SYN3: variants seen among roughly 807,000 people sequenced by gnomAD.
SYN3 encodes the protein synapsin-3.
SYN3 carries 35 observed loss-of-function variants against 65.8 expected under a neutral mutation model. The observed-to-expected ratio is 0.53, with a 90% CI of 0.41 to 0.70. SYN3 has a LOEUF of 0.70. SYN3 is among the 30% of genes least tolerant of loss of function. SYN3 has a pLI of 0.00. For synonymous variants in SYN3, 270 were observed against 292.9 expected (o/e 0.92, Z 0.80); for missense variants, 680 against 749.0 (o/e 0.91, Z 1.08).
chr22:32,734,895 C>A (rs987360550), intron 6 of SYN3, among the ~76,000 whole-genome samples: 1 of 152,202 alleles, frequency 6.6e-6, no homozygotes, highest in African/African-American at 2.4e-5. Context: ...TGGATACAGT[C>A]TTCGGCATCC....
intron 6 of SYN3, chr22:32,860,953 T>G (rs1278917069): frequency 6.6e-6 from 1 of 151,118 alleles, no homozygotes; most frequent in Non-Finnish European, 1.5e-5. Flanking sequence ...TAATATAAAT[T>G]CTCCTATTAA....
chr22:33,005,064 T>C lies in SYN3; in HGVS notation c.311+1288A>G, dbSNP rs732413. 2.7e-3 allele frequency among the ~76,000 whole-genome samples: 410 copies of C among 152,310 alleles called. 11 individuals are homozygous for C. Among genetic ancestry groups the C allele is most frequent in the Admixed American group, 0.019 (298 of 15,294 alleles). On this transcript the variant is annotated intron_variant, in intron 2 of 13. Coordinates refer to ENST00000358763, the MANE Select transcript of SYN3 (RefSeq NM_003490.4). ...CCTGGCACTCATTCATTCTCTCTCCTGCCACCCTATGAAGAGGTGCCTTCC... is the reference window on the plus strand; with the variant it reads ...CCTGGCACTCATTCATTCTCTCTCCCGCCACCCTATGAAGAGGTGCCTTCC...
At chr22:32,537,013 G>T (rs78581502) in intron 9 of SYN3, among the ~76,000 whole-genome samples, 13 of 152,258 alleles carry the variant, frequency 8.5e-5, no homozygotes, top group Non-Finnish European at 1.8e-4. Flanking sequence ...TACTCAATAG[G>T]TGTTTACTGA....
chr22:33,028,700 G>GTGGTGGTGGTGGTGGTGA lies in SYN3; in HGVS notation c.-162-21877_-162-21876insTCACCACCACCACCACCA, dbSNP rs2053690808. On this transcript the variant is annotated intron_variant, in intron 1 of 13. Coordinates refer to ENST00000358763, the MANE Select transcript of SYN3 (RefSeq NM_003490.4). ...GGTGGTGGTGGTGGTGATGGTGGTG[G>GTGGTGGTGGTGGTGGTGA]TGGTGGTGGTGGTGGGGTTGCTACC... 2.9e-5 allele frequency among the ~76,000 whole-genome samples: 4 copies of GTGGTGGTGGTGGTGGTGA among 135,856 alleles called. No homozygotes were observed. The East Asian group carries it at 6.2e-4, about 21-fold the overall frequency. The allele number at this position is 135,856 out of a possible 152,430, so 89.1% of individuals were successfully genotyped here. A position where few individuals can be genotyped will look rare whatever the true frequency, so the allele number is the denominator to read the frequency against.
chr22:32,555,282 G>T (rs1355431572), intron 7 of SYN3, among the ~76,000 whole-genome samples: 2 of 152,200 alleles, frequency 1.3e-5, no homozygotes, highest in African/African-American at 4.8e-5. Flanking sequence ...TGCTTGAAGA[G>T]GGGACATCCC....
chr22:32,658,854 G>T (rs1303398377), intron 6 of SYN3, among the ~76,000 whole-genome samples: 1 of 152,182 alleles, frequency 6.6e-6, no homozygotes, highest in Non-Finnish European at 1.5e-5. Context: ...AAGGATGGGG[G>T]CGTGAGGAAG....
intron 6 of SYN3, among the ~76,000 whole-genome samples, chr22:32,645,641 G>T (rs2059973158): frequency 6.6e-6 from 1 of 152,194 alleles, no homozygotes; most frequent in African/African-American, 2.4e-5. Context: ...TTTCTCTTGA[G>T]ACCCTTCTCC....
At chr22:32,529,303 C>T (rs1440045558) in intron 10 of SYN3, among the ~76,000 whole-genome samples, 1 of 152,182 alleles carries the variant, frequency 6.6e-6, no homozygotes, top group African/African-American at 2.4e-5. Context: ...CTTTGGGGAG[C>T]CGCTCTCCGC....
intron 4 of SYN3, among the ~76,000 whole-genome samples, chr22:32,912,281 T>G (rs2050071534): frequency 6.6e-6 from 1 of 151,958 alleles, no homozygotes; most frequent in Non-Finnish European, 1.5e-5. Flanking sequence ...GAGCAGAAGG[T>G]TTTTTTGGTG....
At chr22:32,900,499 G>T (rs2049727730) in intron 4 of SYN3, among the ~76,000 whole-genome samples, 1 of 152,126 alleles carries the variant, frequency 6.6e-6, no homozygotes, top group South Asian at 2.1e-4. Context: ...AAGGGATTTG[G>T]CAGTGAACAA....
chr22:32,849,347 G>A (rs1019893066), intron 6 of SYN3: 27 of 908,830 alleles, frequency 3.0e-5, no homozygotes, highest in Non-Finnish European at 4.1e-5. Flanking sequence ...CAAGGTAAGA[G>A]TGCAATTCCA....
intron 6 of SYN3, among the ~76,000 whole-genome samples, chr22:32,855,421 C>T (rs4999923): frequency 0.15 from 22,703 of 152,200 alleles, 1,932 homozygotes; most frequent in Non-Finnish European, 0.2. Flanking sequence ...ACTTCTGAGG[C>T]TTTCCTGGGA....
intron 7 of SYN3, among the ~76,000 whole-genome samples, chr22:32,562,445 G>A (rs886417952): frequency 6.6e-6 from 1 of 152,200 alleles, no homozygotes; most frequent in Non-Finnish European, 1.5e-5. Flanking sequence ...GAACCATCTG[G>A]GTTGGCCTGG....
chr22:32,666,527 A>G (rs1601874387), intron 6 of SYN3, among the ~76,000 whole-genome samples: 1 of 152,080 alleles, frequency 6.6e-6, no homozygotes, highest in East Asian at 1.9e-4. Context: ...TCTCCCTGGA[A>G]TGCTCTTTCC....
At chr22:33,004,821 A>C (rs144052361) in intron 2 of SYN3, among the ~76,000 whole-genome samples, 103 of 152,212 alleles carry the variant, frequency 6.8e-4, no homozygotes, top group Non-Finnish European at 1.1e-3. Context: ...TTGAAATGTG[A>C]GATTTGGGAG....
At chr22:32,868,716 G>A (rs936319928) in intron 5 of SYN3, among the ~76,000 whole-genome samples, 1 of 152,090 alleles carries the variant, frequency 6.6e-6, no homozygotes, top group African/African-American at 2.4e-5. Context: ...CTCCCAAAGT[G>A]CTGGGATTAC....
chr22:32,611,284 G>GTTTTTTTTT (rs1201383074), intron 6 of SYN3, among the ~76,000 whole-genome samples: 8 of 94,544 alleles, frequency 8.5e-5, no homozygotes, highest in Non-Finnish European at 1.5e-4. Flanking sequence ...TTTTTTTTTT[G>GTTTTTTTTT]TTTTTTTTTT....
chr22:32,528,027 G>A (rs2058009600), intron 11 of SYN3, 22 bp from the exon 12 acceptor site: 2 of 1,519,172 alleles, frequency 1.3e-6, no homozygotes, highest in African/African-American at 1.4e-5. Context: ...GAGAAAAGAA[G>A]CCTGTTGGTA....
At chr22:32,598,964 CTTA>C (rs1184544542) in intron 6 of SYN3, among the ~76,000 whole-genome samples, 7 of 151,980 alleles carry the variant, frequency 4.6e-5, no homozygotes, top group African/African-American at 1.7e-4. Context: ...CATCAGTTAC[CTTA>C]TTGATTGATA....
Sources: gnomAD v4.1 joint callset for allele counts (sites outside exome capture counted in the v4.1 genomes callset) on GRCh38, gnomAD v4.1.1 for gene constraint, MANE v1.5 for transcripts, NCBI Gene and HGNC (gene_info 2026-07-23, HGNC 2026-07-21) for gene names.